The following ARFGAP2 variants were observed in gnomAD, a reference collection of about 807,000 sequenced individuals.
The protein encoded by ARFGAP2 is ARF GTPase activating protein 2, also known as ADP-ribosylation factor GTPase-activating protein 2.
A neutral mutation model predicts 71.9 loss-of-function variants in ARFGAP2; 45 were observed. The ratio of observed to expected loss-of-function variants is 0.63; its 90% CI spans 0.49 to 0.80. The LOEUF is 0.80. Among genes scored for constraint, ARFGAP2 ranks in the 30% least tolerant of loss-of-function variants. ARFGAP2 has a pLI of 0.00. For missense variants in ARFGAP2, 633 were observed against 673.9 expected (o/e 0.94, Z 0.67); for synonymous variants, 248 against 249.2 (o/e 1.00, Z 0.05).
At chr11:47,167,866 A>T (rs766432371) in intron 12 of ARFGAP2, 43 bp downstream of exon 12, 243 of 373,232 alleles carry the variant, frequency 6.5e-4, no homozygotes, top group Admixed American at 1.2e-3. Flanking sequence ...CAGCTTGTTT[A>T]AAAAAAAAAA....
At position 47,174,854 on chromosome 11, in the gene ARFGAP2, A is replaced by G. The variant is rs1027892884; in HGVS notation, c.480+161T>C. 4.2e-5 allele frequency: 31 copies of G among 744,994 alleles called. No individual in the cohort carries two copies. The African/African-American group carries it at 5.1e-4, about 12-fold the overall frequency. The allele number at this position is 744,994 out of a possible 1,614,324, so 46.1% of individuals were successfully genotyped here. On this transcript the variant is annotated intron_variant, in intron 5 of 15. Coordinates refer to ENST00000524782, the MANE Select transcript of ARFGAP2 (RefSeq NM_032389.6). ...CTGCACCTCCATTTATGGAGGAGGA[A>G]ACACCTAGGCCTACCCAGCAGGAAC...
intron 12 of ARFGAP2, among the ~76,000 whole-genome samples, chr11:47,167,674 C>A (rs1397523344): frequency 6.6e-6 from 1 of 152,184 alleles, no homozygotes; most frequent in African/African-American, 2.4e-5. Flanking sequence ...GCACCAGCCA[C>A]TGGTGGCTAT....
Position 47,173,434 on chromosome 11 carries a change from G to A in ARFGAP2, c.611C>T (p.Ala204Val), listed in dbSNP as rs1020626101. The change falls in exon 7 of 16, where the codon GCC becomes GTC. Residue 204 changes from alanine (A) to valine (V), a missense_variant. Ala to Val is a moderately conservative substitution (Grantham distance 64). Coordinates refer to ENST00000524782, the MANE Select transcript of ARFGAP2 (RefSeq NM_032389.6). ...CCCGCTGGCATACTGACCCAGTGAG[G>A]CTTTGGGTGAGGTGCCAAGCAGGTC... The part of the protein sequence containing the change: ...NTDLLGTSPK[A>V]SLELKSSIIG... 1 of 1,555,986 alleles carries A rather than the reference G, an allele frequency of 6.4e-7. No homozygotes were observed.
intron 7 of ARFGAP2, 34 bp downstream of exon 7, chr11:47,173,392 C>T: frequency 2.6e-6 from 4 of 1,551,704 alleles, no homozygotes; most frequent in Non-Finnish European, 3.5e-6. Context: ...CACCCTCTCC[C>T]AGACACCCCA....
In ARFGAP2 at chr11:47,175,266, G is replaced by T. The variant is rs758059833; in HGVS notation, c.312C>A (p.Thr104=). 3 of 1,614,126 alleles carry T rather than the reference G, an allele frequency of 1.9e-6. No homozygotes were observed. The highest frequency in any genetic ancestry group is 2.5e-6 in the Non-Finnish European group (3 of 1,180,018). The change falls in exon 4 of 16, where the codon ACC becomes ACA. Residue 104 remains threonine (T), a synonymous_variant. Transcript: ENST00000524782. ...QHGCTANDAN[T]KYNSRAAQMY... ...TCTGGGCAGCTCGGCTATTATATTT[G>T]GTGTTGGCATCATTGGCTGTGCATC...
chr11:47,165,597 A>G (rs1188326301), intron 15 of ARFGAP2, 95 bp from the exon 16 acceptor site: 1 of 1,342,306 alleles, frequency 7.4e-7, no homozygotes, highest in African/African-American at 1.5e-5. Context: ...AGCACCCCAC[A>G]GCAAGACTGG....
At position 47,166,524 on chromosome 11, in the gene ARFGAP2, C is replaced by T; in HGVS notation, c.1408G>A (p.Asp470Asn). 6.2e-7 allele frequency: 1 copy of T among 1,612,826 alleles called. No homozygotes were observed. The highest frequency in any genetic ancestry group is 8.5e-7 in the Non-Finnish European group (1 of 1,180,028). The change falls in exon 14 of 16, where the codon GAT becomes AAT. Residue 470 changes from aspartate to asparagine, a missense_variant. Asp to Asn is a conservative substitution (Grantham distance 23, BLOSUM62 1). Transcript: ENST00000524782. ...ISSSDLFGDM[D>N]GAHGAGSVSL... ...GCCCTACCTGCTCCGTGAGCTCCAT[C>T]CATGTCCCCAAAGAGGTCTGAAGAG...
intron 6 of ARFGAP2, 59 bp downstream of exon 6, chr11:47,173,700 C>T (rs1210875410): frequency 3.3e-6 from 5 of 1,535,660 alleles, no homozygotes; most frequent in African/African-American, 1.4e-5. Context: ...TGTCCCCTTC[C>T]AAACCCTGAG....
rs140346532 is a variant in ARFGAP2 at position 47,164,317 on chromosome 11, G to T, written c.*1165C>A. 40 of 1,504,978 alleles carry T rather than the reference G, an allele frequency of 2.7e-5. No homozygotes were observed. The African/African-American group carries it at 4.9e-4, about 18-fold the overall frequency. The allele number at this position is 1,504,978 out of a possible 1,614,324, so 93.2% of individuals were successfully genotyped here. A position where few individuals can be genotyped will look rare whatever the true frequency, so the allele number is the denominator to read the frequency against. On this transcript the variant is annotated 3_prime_UTR_variant, in exon 16 of 16. Coordinates refer to ENST00000524782, the MANE Select transcript of ARFGAP2 (RefSeq NM_032389.6). ...GGACACTGCTTCACTCAGACCAACAGGGAGCCAGGCCCTGCAGGGGCTTTA... is the reference window on the plus strand; with the variant it reads ...GGACACTGCTTCACTCAGACCAACATGGAGCCAGGCCCTGCAGGGGCTTTA...
Position 47,167,908 on chromosome 11 carries a change from C to T in ARFGAP2, c.1205+1G>A. The T allele has an allele frequency of 6.2e-7, 1 of 1,603,054 alleles. No individual in the cohort carries two copies. Among genetic ancestry groups the T allele is most frequent in the East Asian group, 2.3e-5 (1 of 44,240 alleles). On this transcript the variant is annotated splice_donor_variant, in intron 12 of 15. Coordinates refer to ENST00000524782, the MANE Select transcript of ARFGAP2 (RefSeq NM_032389.6). LOFTEE classifies it high-confidence loss of function. ...AAAAAAGAAAAAACAGCCCACTCTACCTTTCTGAAATAGGCCGGATGCTTG... is the reference window on the plus strand; with the variant it reads ...AAAAAAGAAAAAACAGCCCACTCTATCTTTCTGAAATAGGCCGGATGCTTG...
chr11:47,175,765 G>C, intron 3 of ARFGAP2, 86 bp downstream of exon 3: 4 of 1,521,266 alleles, frequency 2.6e-6, no homozygotes, highest in Non-Finnish European at 3.6e-6. Flanking sequence ...TCTGAACAGG[G>C]AAAACGACAG....
Position 47,176,482 on chromosome 11 carries a change from G to A in ARFGAP2, c.191+34C>T, listed in dbSNP as rs768164673. The A allele has an allele frequency of 3.8e-6, 6 of 1,596,838 alleles. No individual in the cohort carries two copies. In the East Asian group the frequency reaches 6.7e-5, roughly 18 times the overall value. On this transcript the variant is annotated intron_variant, in intron 2 of 15. Transcript: ENST00000524782. ...GTTGCCCAGACACCCCTGGCCGGCC[G>A]GGTGGAAACACGGCAACCGCGCGGA...
Position 47,166,892 on chromosome 11 carries a change from G to A in ARFGAP2, c.1206-6C>T. On this transcript the variant is annotated splice_polypyrimidine_tract_variant and splice_region_variant and intron_variant, in intron 12 of 15. Coordinates refer to ENST00000524782, the MANE Select transcript of ARFGAP2 (RefSeq NM_032389.6). ...CTTCCCTCCGGTTTGTGGCTCTGAG[G>A]GGAAGATGTGGAATATCTCGGACTC... is the stretch of plus-strand genomic sequence containing the variant. 6.2e-7 allele frequency: 1 copy of A among 1,612,332 alleles called. No individual in the cohort carries two copies. The highest frequency in any genetic ancestry group is 1.7e-4 in the Middle Eastern group (1 of 6,058).
In ARFGAP2 at chr11:47,176,765, G is replaced by T; in HGVS notation, c.72+17C>A. 6.2e-7 allele frequency: 1 copy of T among 1,613,834 alleles called. No individual in the cohort carries two copies. ...CCCAGCGGGACGAGAGACTCCGCGCGCCCCCTGCTCACGCACCTTGTTGGT... is the reference window on the plus strand; with the variant it reads ...CCCAGCGGGACGAGAGACTCCGCGCTCCCCCTGCTCACGCACCTTGTTGGT... On this transcript the variant is annotated intron_variant, in intron 1 of 15. Coordinates refer to ENST00000524782, the MANE Select transcript of ARFGAP2 (RefSeq NM_032389.6).
rs1478344134 is a variant in ARFGAP2 at position 47,171,511 on chromosome 11, T to G, written c.856A>C (p.Lys286Gln). 5.6e-6 allele frequency: 9 copies of G among 1,614,192 alleles called. No homozygotes were observed. The East Asian group carries it at 2.0e-4, about 36-fold the overall frequency. ...TTCTGTAGCTTCTTTTCCTCTTTCT[T>G]ACGATCAATCTGGAGCTCCTGGTAG... ...LAYQELQIDR[K>Q]KEEKKLQNLE... Residue 286 changes from lysine to glutamine, a missense_variant, in exon 10 of 16, where the codon AAG (lysine) becomes CAG (glutamine). Coordinates refer to ENST00000524782, the MANE Select transcript of ARFGAP2 (RefSeq NM_032389.6).
intron 12 of ARFGAP2, among the ~76,000 whole-genome samples, chr11:47,167,526 G>T (rs1952431279): frequency 1.3e-5 from 2 of 152,268 alleles, no homozygotes; most frequent in South Asian, 4.1e-4. Context: ...CCCCTGAAAG[G>T]AGGTCAGGAC....
chr11:47,166,635 G>A, intron 13 of ARFGAP2, 36 bp from the exon 14 acceptor site: 14 of 1,607,670 alleles, frequency 8.7e-6, no homozygotes, highest in Non-Finnish European at 1.1e-5. Context: ...GGGGATCTTG[G>A]GGCTGATGAC....
At chr11:47,173,589 A>G in intron 6 of ARFGAP2, 107 bp from the exon 7 acceptor site, 1 of 1,419,694 alleles carries the variant, frequency 7.0e-7, no homozygotes, top group Non-Finnish European at 9.4e-7. Context: ...GCTTGCCACC[A>G]AAAGATAAAA....
In ARFGAP2 at chr11:47,166,396, A is replaced by T; in HGVS notation, c.1427-10T>A. On this transcript the variant is annotated splice_polypyrimidine_tract_variant and intron_variant, in intron 14 of 15. Coordinates refer to ENST00000524782, the MANE Select transcript of ARFGAP2 (RefSeq NM_032389.6). The stretch of plus-strand genomic sequence containing the variant: ...CCCAGAGATACACTTCCTGTAAAAC[A>T]AGAGCAGGGTGACCCAGAGCCCAGC... 1 of 1,613,778 alleles carries T rather than the reference A, an allele frequency of 6.2e-7. No homozygotes were observed. The highest frequency in any genetic ancestry group is 8.5e-7 in the Non-Finnish European group (1 of 1,179,706).
Sources: gnomAD v4.1 joint callset for allele counts (sites outside exome capture counted in the v4.1 genomes callset) on GRCh38, gnomAD v4.1.1 for gene constraint, MANE v1.5 for transcripts, NCBI Gene and HGNC (gene_info 2026-07-23, HGNC 2026-07-21) for gene names.